The following TSC2 variants were observed in gnomAD, a reference collection of about 807,000 sequenced individuals.
TSC2 encodes TSC complex subunit 2.
TSC2 carries 29 observed loss-of-function variants against 202.2 expected under a neutral mutation model. The observed-to-expected ratio is 0.14, with a 90% confidence interval of 0.11 to 0.20. The LOEUF (loss-of-function observed/expected upper bound fraction) is 0.20. Among genes scored for constraint, TSC2 ranks in the 10% least tolerant of loss-of-function variants. TSC2 has a pLI of 1.00. For synonymous variants in TSC2, 1,349 were observed against 1,044.0 expected, an observed-to-expected ratio of 1.29 and a Z score of -5.63; for missense variants, 2,429 against 2,420.0, an observed-to-expected ratio of 1.00 and a Z score of -0.08.
chr16:2,074,165 A>G (rs547374413), intron 21 of TSC2, 35 bp from the exon 22 acceptor site: 28 of 1,609,256 alleles, frequency 1.7e-5, no homozygotes, highest in Non-Finnish European at 2.3e-5. Context: ...CTCTGCTGCA[A>G]GCGGGTGGGG....
intron 31 of TSC2, 111 bp from the exon 32 acceptor site, chr16:2,082,325 G>A (rs2090241105): frequency 1.5e-6 from 2 of 1,320,230 alleles, no homozygotes; most frequent in African/African-American, 2.9e-5. Context: ...GCCCCTGCCG[G>A]CCGCTGGCCC....
At position 2,069,705 on chromosome 16, in the gene TSC2, C is replaced by A. The variant is rs548204241; in HGVS notation, c.1717-751C>A. Among the ~76,000 whole-genome samples, 406 of 152,346 alleles carry A rather than the reference C, an allele frequency of 2.7e-3. 2 individuals are homozygous for A. The highest frequency in any genetic ancestry group is 4.8e-3 in the Non-Finnish European group (324 of 68,032). The stretch of plus-strand genomic sequence containing the variant: ...CCATGTTAGCCAGGATGGTCTTGAT[C>A]TCCTGACCTCATGATCCACCCGCCT... On this transcript the variant is annotated intron_variant, in intron 16 of 41. Transcript: ENST00000219476.
chr16:2,055,031 T>C (rs1003920739), intron 5 of TSC2: 5 of 371,984 alleles, frequency 1.3e-5, no homozygotes, highest in African/African-American at 1.0e-4. Context: ...GGCAGCCAAG[T>C]GTGCACACGT....
chr16:2,083,020 C>T, intron 32 of TSC2: 1 of 439,038 alleles, frequency 2.3e-6, no homozygotes, highest in South Asian at 1.6e-5. Context: ...TGCTCCCCTG[C>T]CAGGTCTCCA....
chr16:2,083,422 A>G, intron 32 of TSC2: 2 of 584,102 alleles, frequency 3.4e-6, no homozygotes, highest in Admixed American at 2.5e-5. Context: ...CTGGAGGCAC[A>G]GGGGTGGCTG....
chr16:2,083,166 C>T (rs1276084223), intron 32 of TSC2: 4 of 457,310 alleles, frequency 8.7e-6, no homozygotes, highest in African/African-American at 2.0e-5. Context: ...CTCCCCCTGT[C>T]CTGACGCTGG....
Position 2,062,517 on chromosome 16 carries a change from G to C in TSC2, c.1278G>C (p.Leu426=), listed in dbSNP as rs749771063. 1.9e-6 allele frequency: 3 copies of C among 1,611,764 alleles called. No homozygotes were observed. The highest frequency in any genetic ancestry group is 2.5e-6 in the Non-Finnish European group (3 of 1,178,938). Residue 426 remains leucine, a synonymous_variant, in exon 13 of 42, where the codon CTG becomes CTC. Transcript: ENST00000219476. ...DQRPESSLLN[L]ISYRAQSIHP... ...GACAGGAGTCCTCCCTCCTGAACCT[G>C]ATCTCCTATAGAGCGCAGTCCATCC...
intron 16 of TSC2, among the ~76,000 whole-genome samples, chr16:2,066,678 T>TA (rs978794726): frequency 2.1e-4 from 26 of 125,734 alleles, no homozygotes; most frequent in South Asian, 7.8e-4. Context: ...TTTTTTTTGA[T>TA]ACAGTCTCAC....
intron 32 of TSC2, 132 bp from the exon 33 acceptor site, chr16:2,083,563 G>GT (rs1390458411): frequency 1.4e-6 from 2 of 1,474,878 alleles, no homozygotes; most frequent in Non-Finnish European, 1.8e-6. Context: ...GATGGCAGCA[G>GT]TAAGCAGAGC....
chr16:2,089,340 A>AACTT lies in TSC2; in HGVS notation c.*732_*735dup, dbSNP rs2091336759. 1 of 321,434 alleles carries AACTT rather than the reference A, an allele frequency of 3.1e-6. No homozygotes were observed. Among genetic ancestry groups the AACTT allele is most frequent in the Non-Finnish European group, 5.8e-6 (1 of 171,486 alleles). 19.9% of individuals were successfully genotyped at this position (321,434 alleles called of 1,614,324 possible). On this transcript the variant is annotated 3_prime_UTR_variant, in exon 42 of 42. Transcript: ENST00000219476. ...GTACGGTAGGAACTGGAGAGGTAATAACTTAGGGGCAGGGTGGCGGCGGTG... is the reference window on the plus strand; with the variant it reads ...GTACGGTAGGAACTGGAGAGGTAATAACTTACTTAGGGGCAGGGTGGCGGCGGTG...
intron 37 of TSC2, 103 bp downstream of exon 37, chr16:2,086,482 A>C (rs1187695441): frequency 8.7e-6 from 13 of 1,499,070 alleles, no homozygotes; most frequent in Middle Eastern, 2.0e-4. Flanking sequence ...TGGCACCCCC[A>C]CCTGCTCCAG....
At position 2,088,881 on chromosome 16, in the gene TSC2, G is replaced by GCGCGCGCACACACACACACA. The variant is rs142285430; in HGVS notation, c.*272_*273insGCGCGCACACACACACACAC. ...ACAGCACACTCGCGCGTGCGCGCGC[G>GCGCGCGCACACACACACACA]CACACACACACACACACAGTCACCT... is the stretch of plus-strand genomic sequence containing the variant. On this transcript the variant is annotated 3_prime_UTR_variant, in exon 42 of 42. Transcript: ENST00000219476. 2 of 410,744 alleles carry GCGCGCGCACACACACACACA rather than the reference G, an allele frequency of 4.9e-6. No homozygotes were observed. The highest frequency in any genetic ancestry group is 4.5e-5 in the African/African-American group (2 of 44,062). The allele number at this position is 410,744 out of a possible 1,614,324, so 25.4% of individuals were successfully genotyped here.
At position 2,083,933 on chromosome 16, in the gene TSC2, T is replaced by A. The variant is rs556189344; in HGVS notation, c.4005+117T>A. ...CTGGCTCTGAACTTGGGGGAGATGT[T>A]CTTCCACATCCCTCGTGCACAGACG... On this transcript the variant is annotated intron_variant, in intron 33 of 41. Transcript: ENST00000219476. The A allele has an allele frequency of 8.2e-5, 120 of 1,456,826 alleles. No individual in the cohort carries two copies. In the East Asian group the frequency reaches 2.4e-3, roughly 29 times the overall value. 90.2% of individuals were successfully genotyped at this position (1,456,826 alleles called of 1,614,324 possible). A position where few individuals can be genotyped will look rare whatever the true frequency, so the allele number is the denominator to read the frequency against.
At chr16:2,055,937 G>A (rs556939020) in intron 6 of TSC2, 1 of 577,990 alleles carries the variant, frequency 1.7e-6, no homozygotes, top group Non-Finnish European at 3.1e-6. Context: ...CTTCTGTTTA[G>A]CTCTCATCTG....
rs1373729624 is a variant in TSC2, at chr16:2,086,398, C to T, written c.4849+19C>T. 1.2e-6 allele frequency: 2 copies of T among 1,609,618 alleles called. No homozygotes were observed. The highest frequency in any genetic ancestry group is 1.7e-5 in the Admixed American group (1 of 59,642). ...ATGCAAGGTACGGCCTGGCGCCTAC[C>T]CGCTCCTGCTGCCCCAGGCCTCAGG... On this transcript the variant is annotated intron_variant, in intron 37 of 41. Coordinates refer to ENST00000219476, the MANE Select transcript of TSC2 (RefSeq NM_000548.5).
rs563060976 is a variant in TSC2 at position 2,081,960 on chromosome 16, C to T, written c.3814+162C>T. On this transcript the variant is annotated intron_variant, in intron 31 of 41. Transcript: ENST00000219476. ...TCTCCGGTGTTTGGGAGGAGGCTGA[C>T]CCGTGGGAGGTGTCTGCCCTGCTCA... is the stretch of plus-strand genomic sequence containing the variant. 7 of 1,050,808 alleles carry T rather than the reference C, an allele frequency of 6.7e-6. No individual in the cohort carries two copies. In the East Asian group the frequency reaches 1.6e-4, roughly 23 times the overall value. The allele number at this position is 1,050,808 out of a possible 1,614,324, so 65.1% of individuals were successfully genotyped here.
rs11551373 is a variant in TSC2 at position 2,083,726 on chromosome 16, G to T, written c.3915G>T (p.Pro1305=). Residue 1305 remains proline (P), a synonymous_variant, in exon 33 of 42, where the codon CCG becomes CCT. Transcript: ENST00000219476. ...CCGTGGTCATGGAGGAGGGAAGTCCGGGCGAGGTTCCTGTGCTGGTGGAGC... is the reference window on the plus strand; with the variant it reads ...CCGTGGTCATGGAGGAGGGAAGTCCTGGCGAGGTTCCTGTGCTGGTGGAGC... ...DSAVVMEEGS[P]GEVPVLVEPP... 1 of 1,598,596 alleles carries T rather than the reference G, an allele frequency of 6.3e-7. No individual in the cohort carries two copies. Among genetic ancestry groups the T allele is most frequent in the Non-Finnish European group, 8.5e-7 (1 of 1,173,880 alleles).
rs781153452 is a variant in TSC2, at chr16:2,072,290, C to A, written c.2147C>A (p.Ser716Tyr). The change falls in exon 20 of 42, where the codon TCC (serine) becomes TAC (tyrosine). Residue 716 changes from serine to tyrosine, a missense_variant. Physicochemically the swap from Ser to Tyr is moderately radical, Grantham distance 144. Coordinates refer to ENST00000219476, the MANE Select transcript of TSC2 (RefSeq NM_000548.5). The stretch of plus-strand genomic sequence containing the variant: ...CTGGTTCTGGGCAGGCTGCCTGAGT[C>A]CCTGCGCTATAAAGTGCTCATCTTT... ...LKLVLGRLPE[S>Y]LRYKVLIFTS... 1 of 1,614,124 alleles carries A rather than the reference C, an allele frequency of 6.2e-7. No homozygotes were observed. The highest frequency in any genetic ancestry group is 8.5e-7 in the Non-Finnish European group (1 of 1,180,044).
intron 10 of TSC2, among the ~76,000 whole-genome samples, chr16:2,059,833 G>A (rs1013811061): frequency 6.6e-6 from 1 of 151,914 alleles, no homozygotes; most frequent in African/African-American, 2.4e-5. Flanking sequence ...CTAATGTTTT[G>A]TATTTTTATT....
Sources: allele counts gnomAD v4.1 joint callset (sites outside exome capture counted in the v4.1 genomes callset), GRCh38; gene constraint gnomAD v4.1.1; transcripts MANE v1.5; gene names NCBI Gene and HGNC (gene_info 2026-07-23, HGNC 2026-07-21).